CREB5: variants seen among roughly 807,000 people sequenced by gnomAD.
CREB5 encodes the protein cAMP responsive element binding protein 5.
In CREB5, 19 loss-of-function variants were observed where a neutral mutation model predicts 57.1. That is an observed-to-expected ratio of 0.33 (90% CI 0.23 to 0.49). The LOEUF (loss-of-function observed/expected upper bound fraction) is 0.49, where lower values mean the gene tolerates loss of function less well. CREB5 is among the 20% of genes least tolerant of loss of function. The pLI is 0.99. For missense variants in CREB5, 579 were observed against 671.6 expected, an observed-to-expected ratio of 0.86 and a Z score of 1.52; for synonymous variants, 238 against 238.3, an observed-to-expected ratio of 1.00 and a Z score of 0.01.
intron 1 of CREB5, among the ~76,000 whole-genome samples, chr7:28,465,239 G>A (rs1037639996): frequency 1.2e-4 from 19 of 152,168 alleles, no homozygotes; most frequent in African/African-American, 4.6e-4. Flanking sequence ...TTATTCCCTC[G>A]AGGTTGCCTC....
At chr7:28,466,708 G>A (rs1005441551) in intron 1 of CREB5, among the ~76,000 whole-genome samples, 4 of 152,188 alleles carry the variant, frequency 2.6e-5, no homozygotes, top group South Asian at 2.1e-4. Context: ...GAGAGATACC[G>A]GAAGGGCGCT....
chr7:28,323,593 C>G (rs907556426), intron 1 of CREB5, among the ~76,000 whole-genome samples: 2 of 152,140 alleles, frequency 1.3e-5, no homozygotes, highest in African/African-American at 4.8e-5. Flanking sequence ...AGTATCTCCC[C>G]TCCTGTGTCA....
chr7:28,419,461 T>C (rs957488949), intron 1 of CREB5, among the ~76,000 whole-genome samples: 4 of 149,222 alleles, frequency 2.7e-5, no homozygotes, highest in Admixed American at 2.7e-4. Flanking sequence ...CTTTGATGGG[T>C]GAGCTGTTGA....
At chr7:28,597,178 AC>A (rs2128667608) in intron 5 of CREB5, among the ~76,000 whole-genome samples, 1 of 152,326 alleles carries the variant, frequency 6.6e-6, no homozygotes, top group South Asian at 2.1e-4. Context: ...ATGCAGGTTG[AC>A]AGAACAATCC....
intron 5 of CREB5, among the ~76,000 whole-genome samples, chr7:28,663,257 T>G (rs779527198): frequency 2.6e-5 from 4 of 151,428 alleles, no homozygotes; most frequent in African/African-American, 7.3e-5. Context: ...CAGGCTGGAG[T>G]GTAGTGGAGT....
At position 28,625,486 on chromosome 7, in the gene CREB5, T is replaced by C. The variant is rs115836818; in HGVS notation, c.464+54949T>C. On this transcript the variant is annotated intron_variant, in intron 5 of 10. Transcript: ENST00000357727. ...ACCCCATGTTCTCAGAGTTGACTTA[T>C]ATAGTCAAAAAGAAGAGGGTCCTTG... Among the ~76,000 whole-genome samples, 1,124 of 152,280 alleles carry C rather than the reference T, an allele frequency of 7.4e-3. 15 individuals carry two copies. The highest frequency in any genetic ancestry group is 0.026 in the African/African-American group (1,083 of 41,558).
intron 5 of CREB5, among the ~76,000 whole-genome samples, chr7:28,661,559 T>C (rs543533167): frequency 1.3e-5 from 2 of 152,298 alleles, no homozygotes; most frequent in South Asian, 4.1e-4. Context: ...GCTATGTGCA[T>C]GTCTGCTAGC....
chr7:28,572,956 G>A (rs1034405423), intron 5 of CREB5, among the ~76,000 whole-genome samples: 20 of 152,262 alleles, frequency 1.3e-4, no homozygotes, highest in African/African-American at 3.6e-4. Context: ...TGCCAAGCCC[G>A]AGGGAGGCTA....
At chr7:28,638,387 C>G (rs1683050965) in intron 5 of CREB5, among the ~76,000 whole-genome samples, 1 of 130,612 alleles carries the variant, frequency 7.7e-6, no homozygotes, top group African/African-American at 3.0e-5. Flanking sequence ...ACTCTGTTGC[C>G]TAGGCTGGAG....
intron 6 of CREB5, among the ~76,000 whole-genome samples, chr7:28,723,981 A>G (rs1192562591): frequency 2.0e-5 from 3 of 152,208 alleles, no homozygotes; most frequent in Non-Finnish European, 4.4e-5. Flanking sequence ...GTGATCTGCC[A>G]TGACAATGTA....
chr7:28,798,241 C>A (rs1808161226), intron 7 of CREB5, among the ~76,000 whole-genome samples: 3 of 152,116 alleles, frequency 2.0e-5, no homozygotes, highest in South Asian at 4.1e-4. Context: ...TAATTCGGCT[C>A]GGCTTTCAGA....
intron 3 of CREB5, among the ~76,000 whole-genome samples, chr7:28,499,737 C>T (rs149926935): frequency 1.7e-4 from 26 of 152,298 alleles, no homozygotes; most frequent in African/African-American, 5.8e-4. Flanking sequence ...GCGTGCACCA[C>T]CACACTCGGC....
intron 5 of CREB5, among the ~76,000 whole-genome samples, chr7:28,664,692 T>A (rs1799745391): frequency 2.0e-5 from 3 of 152,288 alleles, no homozygotes; most frequent in African/African-American, 7.2e-5. Flanking sequence ...GCCGTCTGTT[T>A]TTTTCCAAAG....
At chr7:28,597,488 G>C (rs1216751802) in intron 5 of CREB5, among the ~76,000 whole-genome samples, 1 of 152,200 alleles carries the variant, frequency 6.6e-6, no homozygotes, top group Non-Finnish European at 1.5e-5. Context: ...TGTTTGGAGG[G>C]ACTTGATTCC....
chr7:28,810,746 C>A (rs1161152639), intron 9 of CREB5, among the ~76,000 whole-genome samples: 2 of 152,056 alleles, frequency 1.3e-5, no homozygotes, highest in Non-Finnish European at 2.9e-5. Context: ...TCACTTTTAT[C>A]TTCTTCCCAC....
chr7:28,603,503 C>G (rs2128671388), intron 5 of CREB5, among the ~76,000 whole-genome samples: 1 of 152,252 alleles, frequency 6.6e-6, no homozygotes, highest in South Asian at 2.1e-4. Flanking sequence ...TGTAACCTTC[C>G]TATCTCAACC....
At chr7:28,525,795 G>C (rs1051717283) in intron 4 of CREB5, among the ~76,000 whole-genome samples, 7 of 152,122 alleles carry the variant, frequency 4.6e-5, no homozygotes, top group African/African-American at 1.7e-4. Flanking sequence ...GAGAGTGGTA[G>C]ATATCAATGG....
intron 5 of CREB5, among the ~76,000 whole-genome samples, chr7:28,579,424 T>C (rs1235131928): frequency 6.6e-6 from 1 of 152,054 alleles, no homozygotes; most frequent in Non-Finnish European, 1.5e-5. Context: ...CCAGACACAT[T>C]TCAAGGAATT....
chr7:28,634,656 T>A (rs924860861), intron 5 of CREB5, among the ~76,000 whole-genome samples: 9 of 152,188 alleles, frequency 5.9e-5, no homozygotes, highest in African/African-American at 1.9e-4. Context: ...GCTCTAGATG[T>A]GAGGCATTGA....
Sources: allele counts gnomAD v4.1 joint callset (sites outside exome capture counted in the v4.1 genomes callset), GRCh38; gene constraint gnomAD v4.1.1; transcripts MANE v1.5; gene names NCBI Gene and HGNC (gene_info 2026-07-23, HGNC 2026-07-21).